ST8SIA2: variants seen among roughly 807,000 people sequenced by gnomAD.
The protein encoded by ST8SIA2 is ST8 alpha-N-acetyl-neuraminide alpha-2,8-sialyltransferase 2.
A neutral mutation model predicts 37.6 loss-of-function variants in ST8SIA2; 22 were observed. The ratio of observed to expected loss-of-function variants is 0.58; its 90% confidence interval spans 0.42 to 0.83. ST8SIA2 has a LOEUF of 0.83. Among genes scored for constraint, ST8SIA2 ranks in the 40% least tolerant of loss-of-function variants. ST8SIA2 has a pLI of 0.00. For synonymous variants in ST8SIA2, 205 were observed against 201.2 expected, an observed-to-expected ratio of 1.02 and a Z score of -0.16; for missense variants, 382 against 484.7, an observed-to-expected ratio of 0.79 and a Z score of 1.99.
intron 1 of ST8SIA2, among the ~76,000 whole-genome samples, chr15:92,414,807 C>T (rs910250605): frequency 6.6e-6 from 1 of 152,250 alleles, no homozygotes; most frequent in Non-Finnish European, 1.5e-5. Context: ...CCACCCCACC[C>T]GTACCCACCA....
intron 5 of ST8SIA2, among the ~76,000 whole-genome samples, chr15:92,457,107 T>C (rs1205910665): frequency 6.6e-6 from 1 of 152,216 alleles, no homozygotes; most frequent in African/African-American, 2.4e-5. Flanking sequence ...AGGCTGCCAA[T>C]GCAGAGGACA....
chr15:92,405,499 C>A (rs1335130776), intron 1 of ST8SIA2, among the ~76,000 whole-genome samples: 1 of 152,254 alleles, frequency 6.6e-6, no homozygotes, highest in Admixed American at 6.5e-5. Flanking sequence ...TATTTTCCCA[C>A]AATTGAAACA....
chr15:92,400,623 T>A (rs1596227425), intron 1 of ST8SIA2, among the ~76,000 whole-genome samples: 1 of 152,148 alleles, frequency 6.6e-6, no homozygotes, highest in East Asian at 1.9e-4. Context: ...GAGGACCCAG[T>A]GGTGTTTGCC....
rs1242349346 is a variant in ST8SIA2, at chr15:92,468,039, G to A, written c.*3654G>A. On this transcript the variant is annotated 3_prime_UTR_variant, in exon 6 of 6. Coordinates refer to ENST00000268164, the MANE Select transcript of ST8SIA2 (RefSeq NM_006011.4). ...CGTCAGCCACCCAGTCTGAGATGCT[G>A]ACGTTATCTTCGACTATTCTTCCCT... is the stretch of plus-strand genomic sequence containing the variant. 1 of 152,202 alleles carries A rather than the reference G, an allele frequency of 6.6e-6. No individual in the cohort carries two copies. Among genetic ancestry groups the A allele is most frequent in the African/African-American group, 2.4e-5 (1 of 41,432 alleles). 9.4% of individuals were successfully genotyped at this position (152,202 alleles called of 1,614,324 possible). A position where few individuals can be genotyped will look rare whatever the true frequency, so the allele number is the denominator to read the frequency against.
intron 1 of ST8SIA2, among the ~76,000 whole-genome samples, chr15:92,400,507 G>T (rs1347466448): frequency 6.6e-6 from 1 of 152,304 alleles, no homozygotes; most frequent in South Asian, 2.1e-4. Flanking sequence ...ATCTAGCGTG[G>T]AGGGTGCATC....
intron 5 of ST8SIA2, among the ~76,000 whole-genome samples, chr15:92,448,525 G>A (rs1207655428): frequency 6.6e-6 from 1 of 152,208 alleles, no homozygotes; most frequent in Non-Finnish European, 1.5e-5. Flanking sequence ...TCAAAACCAT[G>A]GGCTTTGGCA....
intron 1 of ST8SIA2, among the ~76,000 whole-genome samples, chr15:92,395,985 T>C (rs1004729972): frequency 6.6e-6 from 1 of 152,230 alleles, no homozygotes; most frequent in Non-Finnish European, 1.5e-5. Context: ...TGTTGCACTT[T>C]CTTGCCAAAT....
At chr15:92,433,801 G>C (rs1229505998) in intron 2 of ST8SIA2, among the ~76,000 whole-genome samples, 1 of 152,194 alleles carries the variant, frequency 6.6e-6, no homozygotes, top group Non-Finnish European at 1.5e-5. Context: ...AGGGAGGAGG[G>C]TGAAGCCACA....
chr15:92,441,245 T>C (rs1314113827), intron 4 of ST8SIA2, among the ~76,000 whole-genome samples: 1 of 152,154 alleles, frequency 6.6e-6, no homozygotes, highest in Admixed American at 6.5e-5. Flanking sequence ...TGCAACTATC[T>C]TGCAAAACCT....
chr15:92,397,378 T>G (rs959927428), intron 1 of ST8SIA2, among the ~76,000 whole-genome samples: 3 of 151,860 alleles, frequency 2.0e-5, no homozygotes, highest in African/African-American at 7.2e-5. Flanking sequence ...TTGAGGGGAG[T>G]TTTCTGAGAC....
intron 5 of ST8SIA2, among the ~76,000 whole-genome samples, chr15:92,445,346 T>C (rs74029038): frequency 0.053 from 8,074 of 152,258 alleles, 708 homozygotes; most frequent in African/African-American, 0.18. Flanking sequence ...CTTTAAACTT[T>C]AGTTGCCTCT....
intron 1 of ST8SIA2, chr15:92,421,086 A>C (rs911727778): frequency 1.6e-4 from 25 of 152,236 alleles, no homozygotes; most frequent in African/African-American, 6.0e-4. Flanking sequence ...GCTGTCTGTG[A>C]TGTTGAAGCT....
At position 92,403,953 on chromosome 15, in the gene ST8SIA2, G is replaced by T. The variant is rs946325383; in HGVS notation, c.98+9791G>T. Among the ~76,000 whole-genome samples the T allele has an allele frequency of 3.3e-5, 5 of 152,234 alleles. No individual in the cohort carries two copies. In the East Asian group the frequency reaches 5.8e-4, roughly 18 times the overall value. On this transcript the variant is annotated intron_variant, in intron 1 of 5. Transcript: ENST00000268164. The stretch of plus-strand genomic sequence containing the variant: ...CTTAGGCCGGCTGGACACAAAGGCA[G>T]CAACGTGCTGACAGACGGCATCCCA...
chr15:92,437,803 A>G (rs769970138), intron 3 of ST8SIA2, among the ~76,000 whole-genome samples: 5 of 152,074 alleles, frequency 3.3e-5, no homozygotes, highest in Admixed American at 3.3e-4. Context: ...AGACAAATTT[A>G]TTATCCTTTT....
At chr15:92,433,209 G>A (rs947041856) in intron 2 of ST8SIA2, among the ~76,000 whole-genome samples, 8 of 152,082 alleles carry the variant, frequency 5.3e-5, no homozygotes, top group African/African-American at 1.7e-4. Context: ...TTTTAACTTG[G>A]CTGTTTCAAG....
intron 1 of ST8SIA2, among the ~76,000 whole-genome samples, chr15:92,428,201 G>A (rs1264392883): frequency 6.6e-6 from 1 of 152,160 alleles, no homozygotes; most frequent in Non-Finnish European, 1.5e-5. Context: ...CTTAGGGTAA[G>A]GGTAAGTTTT....
intron 1 of ST8SIA2, among the ~76,000 whole-genome samples, chr15:92,403,327 A>C (rs2049484899): frequency 6.6e-6 from 1 of 152,002 alleles, no homozygotes; most frequent in Non-Finnish European, 1.5e-5. Context: ...GCTCACCCCC[A>C]TTCCTCATGC....
chr15:92,451,605 T>G (rs1284577750), intron 5 of ST8SIA2, among the ~76,000 whole-genome samples: 1 of 152,090 alleles, frequency 6.6e-6, no homozygotes, highest in Non-Finnish European at 1.5e-5. Flanking sequence ...TCAGAAAGGC[T>G]CAGAAATACA....
Position 92,414,926 on chromosome 15 carries a change from A to C in ST8SIA2, c.99-15123A>C, listed in dbSNP as rs893774824. Among the ~76,000 whole-genome samples the C allele has an allele frequency of 2.6e-5, 4 of 152,238 alleles. 1 individual carries two copies. Among genetic ancestry groups the C allele is most frequent in the Non-Finnish European group, 4.4e-5 (3 of 68,044 alleles). ...CACATATTTGGGCTTTCCCCTAGCC[A>C]ATCAGGAAGTGGCTCACAGGGAGGA... is the stretch of plus-strand genomic sequence containing the variant. On this transcript the variant is annotated intron_variant, in intron 1 of 5. Coordinates refer to ENST00000268164, the MANE Select transcript of ST8SIA2 (RefSeq NM_006011.4).
Sources: allele counts gnomAD v4.1 joint callset (sites outside exome capture counted in the v4.1 genomes callset), GRCh38; gene constraint gnomAD v4.1.1; transcripts MANE v1.5; gene names NCBI Gene and HGNC (gene_info 2026-07-23, HGNC 2026-07-21).